PPAN: variants seen among roughly 807,000 people sequenced by gnomAD.
PPAN encodes the protein suppressor of SWI4 1 homolog.
PPAN carries 39 observed loss-of-function variants against 48.5 expected under a neutral mutation model. The ratio of observed to expected loss-of-function variants is 0.80; its 90% CI spans 0.62 to 1.05. The LOEUF is 1.05. Among genes scored for constraint, PPAN ranks in the 50% least tolerant of loss-of-function variants. The pLI is 0.00. For missense variants in PPAN, 736 were observed against 661.7 expected, an observed-to-expected ratio of 1.11 and a Z score of -1.23; for synonymous variants, 315 against 268.6, an observed-to-expected ratio of 1.17 and a Z score of -1.69.
intron 6 of PPAN, 79 bp downstream of exon 6, chr19:10,109,786 T>A: frequency 6.3e-7 from 1 of 1,587,582 alleles, no homozygotes. Flanking sequence ...GCACTTCTGC[T>A]GAGACGCTGT....
chr19:10,107,552 C>G lies in PPAN; in HGVS notation c.237C>G (p.Pro79=), dbSNP rs1025221964. The change falls in exon 3 of 12, where the codon CCC becomes CCG. Residue 79 remains proline, a synonymous_variant. Transcript: ENST00000253107. ...AGGACTGCGTGGCAGTGGCTGGGCC[C>G]CTCGGGGTCACACACTTTCTGATCC... ...SLKDCVAVAG[P]LGVTHFLILS... is the part of the protein sequence containing the mutation. 12 of 1,613,912 alleles carry G rather than the reference C, an allele frequency of 7.4e-6. No homozygotes were observed. The highest frequency in any genetic ancestry group is 1.3e-5 in the African/African-American group (1 of 74,878).
rs747605108 is a variant in PPAN, at chr19:10,107,570, T to G, written c.255T>G (p.Phe85Leu). The G allele has an allele frequency of 6.2e-7, 1 of 1,614,204 alleles. No homozygotes were observed. Among genetic ancestry groups the G allele is most frequent in the Non-Finnish European group, 8.5e-7 (1 of 1,180,034 alleles). Reference protein sequence around the residue: ...AVAGPLGVTHFLILSKTETNV... With the variant: ...AVAGPLGVTHLLILSKTETNV... ...CTGGGCCCCTCGGGGTCACACACTT[T>G]CTGATCCTGAGCAAAACAGAGACCA... Residue 85 changes from phenylalanine (F) to leucine (L), a missense_variant, in exon 3 of 12, where the codon TTT (phenylalanine) becomes TTG (leucine). Physicochemically the swap from Phe to Leu is conservative, Grantham distance 22. Coordinates refer to ENST00000253107, the MANE Select transcript of PPAN (RefSeq NM_020230.7).
At chr19:10,107,646 C>T (rs757047287) in intron 3 of PPAN, 40 bp downstream of exon 3, 7 of 1,610,454 alleles carry the variant, frequency 4.3e-6, no homozygotes, top group Non-Finnish European at 5.9e-6. Context: ...CCCAGACCCC[C>T]CCTTCCCCTA....
At position 10,110,971 on chromosome 19, in the gene PPAN, C is replaced by A. The variant is rs201114729; in HGVS notation, c.1228C>A (p.Arg410=). 52 of 1,613,238 alleles carry A rather than the reference C, an allele frequency of 3.2e-5. No homozygotes were observed. Among genetic ancestry groups the A allele is most frequent in the Non-Finnish European group, 3.9e-5 (46 of 1,179,988 alleles). ...EDLFPEAKQK[R]LAKSPGRKRK... Reference sequence around the variant, plus strand: ...CCTGTTCCCCGAGGCCAAGCAGAAACGGCTTGCCAAGTCTCCAGGGCGGAA... The same window carrying A: ...CCTGTTCCCCGAGGCCAAGCAGAAAAGGCTTGCCAAGTCTCCAGGGCGGAA... Residue 410 remains arginine, a synonymous_variant, in exon 12 of 12, where the codon CGG becomes AGG. Transcript: ENST00000253107. This position sits in a 1 kb window ranked among gnomAD's most constrained non-coding sequence, Gnocchi z 5.9.
In PPAN at chr19:10,111,487, C is replaced by T. The variant is rs897504670; in HGVS notation, c.*322C>T. 11 of 627,958 alleles carry T rather than the reference C, an allele frequency of 1.8e-5. No homozygotes were observed. Among genetic ancestry groups the T allele is most frequent in the Non-Finnish European group, 3.1e-5 (11 of 358,716 alleles). The allele number at this position is 627,958 out of a possible 1,614,324, so 38.9% of individuals were successfully genotyped here. On this transcript the variant is annotated 3_prime_UTR_variant, in exon 12 of 12. Coordinates refer to ENST00000253107, the MANE Select transcript of PPAN (RefSeq NM_020230.7). Reference sequence around the variant, plus strand: ...CCATGAGTGGCCCCTCCCCCCAGTCCCACCAAAGAGCCGTGCAAGCAGACA... The same window carrying T: ...CCATGAGTGGCCCCTCCCCCCAGTCTCACCAAAGAGCCGTGCAAGCAGACA...
rs369527420 is a variant in PPAN, at chr19:10,110,063, C to A, written c.698+43C>A. The A allele has an allele frequency of 6.2e-7, 1 of 1,611,184 alleles. No homozygotes were observed. The highest frequency in any genetic ancestry group is 8.5e-7 in the Non-Finnish European group (1 of 1,178,378). ...CGGGAGGCCACTGCGGCCCGGGGAC[C>A]CCAGAACAGGACCGGGAGCCTGAGC... is the stretch of plus-strand genomic sequence containing the variant. On this transcript the variant is annotated intron_variant, in intron 7 of 11. Coordinates refer to ENST00000253107, the MANE Select transcript of PPAN (RefSeq NM_020230.7). The surrounding 1 kb of genome is among the most constrained non-coding windows in gnomAD (Gnocchi z 5.9).
Position 10,106,393 on chromosome 19 carries a change from G to T in PPAN, c.-2G>T. On this transcript the variant is annotated 5_prime_UTR_variant, in exon 1 of 12. Transcript: ENST00000253107. ...AGGAGGCCTCGTGGAGGACACAGCA[G>T]CATGGGACAGTCAGGGAGGGTAAGG... is the stretch of plus-strand genomic sequence containing the variant. The T allele has an allele frequency of 6.5e-7, 1 of 1,549,792 alleles. No homozygotes were observed. Among genetic ancestry groups the T allele is most frequent in the South Asian group, 1.2e-5 (1 of 83,948 alleles).
rs200707716 is a variant in PPAN at position 10,109,676 on chromosome 19, C to G, written c.559C>G (p.Pro187Ala). 2.9e-5 allele frequency: 46 copies of G among 1,614,030 alleles called. No homozygotes were observed. The East Asian group carries it at 4.0e-4, about 14-fold the overall frequency. The change falls in exon 6 of 12, where the codon CCC (proline) becomes GCC (alanine). Residue 187 changes from proline (P) to alanine (A), a missense_variant. Pro to Ala is a conservative substitution (Grantham distance 27). Transcript: ENST00000253107. The stretch of plus-strand genomic sequence containing the variant: ...GCGCTGCCTCCTCATCGACTACAAC[C>G]CCGACTCCCAGGAGCTGGACTTCCG... ...IKRCLLIDYN[P>A]DSQELDFRHY... is the part of the protein sequence containing the mutation.
In PPAN at chr19:10,111,738, C is replaced by T. The variant is rs199501916; in HGVS notation, c.*573C>T. On this transcript the variant is annotated 3_prime_UTR_variant, in exon 12 of 12. Transcript: ENST00000253107. ...CACGGGAGCATGGCAGCCAACGTCT[C>T]GGGTAAGGAGAAGGCATGTTGGCTG... 1.3e-4 allele frequency: 211 copies of T among 1,613,352 alleles called. No homozygotes were observed. The East Asian group carries it at 1.3e-3, about 10-fold the overall frequency.
In PPAN at chr19:10,110,467, C is replaced by T. The variant is rs1402946769; in HGVS notation, c.902-18C>T. 4 of 1,612,304 alleles carry T rather than the reference C, an allele frequency of 2.5e-6. No individual in the cohort carries two copies. The highest frequency in any genetic ancestry group is 3.4e-6 in the Non-Finnish European group (4 of 1,179,684). On this transcript the variant is annotated intron_variant, in intron 9 of 11. Transcript: ENST00000253107. This position sits in a 1 kb window ranked among gnomAD's most constrained non-coding sequence, Gnocchi z 5.9. ...GGAGCTGCACCCGGATCTTGGTGAC[C>T]CGCGTCTCTTGGCTCAGTGAGCAAG...
At chr19:10,109,841 G>C in intron 6 of PPAN, 72 bp from the exon 7 acceptor site, 1 of 1,601,068 alleles carries the variant, frequency 6.2e-7, no homozygotes. Context: ...TGTGGGAAGG[G>C]TGAGATGGGC....
Position 10,111,518 on chromosome 19 carries a change from C to T in PPAN, c.*353C>T, listed in dbSNP as rs1599315283. On this transcript the variant is annotated 3_prime_UTR_variant, in exon 12 of 12. Transcript: ENST00000253107. Reference sequence around the variant, plus strand: ...AAGAGCCGTGCAAGCAGACAGGTCACACTTTCAGCAGATGAGCTTGAACCT... The same window carrying T: ...AAGAGCCGTGCAAGCAGACAGGTCATACTTTCAGCAGATGAGCTTGAACCT... 3 of 662,842 alleles carry T rather than the reference C, an allele frequency of 4.5e-6. No individual in the cohort carries two copies. The South Asian group carries it at 5.5e-5, about 12-fold the overall frequency. 41.1% of individuals were successfully genotyped at this position (662,842 alleles called of 1,614,324 possible).
At position 10,110,827 on chromosome 19, in the gene PPAN, G is replaced by A. The variant is rs937426336; in HGVS notation, c.1162G>A (p.Glu388Lys). The A allele has an allele frequency of 5.0e-6, 8 of 1,613,910 alleles. No individual in the cohort carries two copies. The highest frequency in any genetic ancestry group is 1.3e-5 in the African/African-American group (1 of 74,900). Residue 388 changes from glutamate to lysine, a missense_variant, in exon 11 of 12, where the codon GAG becomes AAG. Transcript: ENST00000253107. This position sits in a 1 kb window ranked among gnomAD's most constrained non-coding sequence, Gnocchi z 5.9. ...TGATGAACAGGAAGATGATGACATC[G>A]AGTATTTCTGCCAGGCGGTGGGCGA... ...DDDEQEDDDI[E>K]YFCQAVGEAP... is the part of the protein sequence containing the mutation.
chr19:10,107,888 G>A (rs1391918962), intron 4 of PPAN, 34 bp downstream of exon 4: 3 of 1,608,418 alleles, frequency 1.9e-6, no homozygotes, highest in Non-Finnish European at 2.6e-6. Context: ...AAGCCATGTG[G>A]GGTGGGAGCT....
rs367732633 is a variant in PPAN, at chr19:10,110,906, C to T, written c.1202-39C>T. 9.9e-6 allele frequency: 16 copies of T among 1,612,952 alleles called. No homozygotes were observed. The highest frequency in any genetic ancestry group is 1.2e-5 in the Non-Finnish European group (14 of 1,179,798). On this transcript the variant is annotated intron_variant, in intron 11 of 11. Transcript: ENST00000253107. The surrounding 1 kb of genome is among the most constrained non-coding windows in gnomAD (Gnocchi z 5.9). ...CTGCAGCAGGGCACCCAGAGCCTGT[C>T]CTTGTCTCTGGGGGCCCTGACACTG... is the stretch of plus-strand genomic sequence containing the variant.
At chr19:10,108,840 C>T (rs2088938125) in intron 5 of PPAN, among the ~76,000 whole-genome samples, 1 of 151,768 alleles carries the variant, frequency 6.6e-6, no homozygotes, top group African/African-American at 2.4e-5. Flanking sequence ...TTTCATCTGG[C>T]TCCTGAGTCC....
At chr19:10,107,752 G>A (rs1368011941) in intron 3 of PPAN, 52 bp from the exon 4 acceptor site, 9 of 1,612,980 alleles carry the variant, frequency 5.6e-6, no homozygotes, top group African/African-American at 2.7e-5. Context: ...TGCCTACTCC[G>A]GGCACCTCTG....
In PPAN at chr19:10,111,321, G is replaced by C; in HGVS notation, c.*156G>C. 1.0e-6 allele frequency: 1 copy of C among 952,552 alleles called. No homozygotes were observed. Among genetic ancestry groups the C allele is most frequent in the East Asian group, 2.6e-5 (1 of 37,844 alleles). 59.0% of individuals were successfully genotyped at this position (952,552 alleles called of 1,614,324 possible). ...AGGGGTCCACGTCAGCGTTTGGGATGGGGGATTCTGGAGCCATACAAAGCA... is the reference window on the plus strand; with the variant it reads ...AGGGGTCCACGTCAGCGTTTGGGATCGGGGATTCTGGAGCCATACAAAGCA... On this transcript the variant is annotated 3_prime_UTR_variant, in exon 12 of 12. Coordinates refer to ENST00000253107, the MANE Select transcript of PPAN (RefSeq NM_020230.7).
In PPAN at chr19:10,107,738, A is replaced by G. The variant is rs1010986178; in HGVS notation, c.292-66A>G. 3.7e-6 allele frequency: 6 copies of G among 1,611,728 alleles called. No individual in the cohort carries two copies. The African/African-American group carries it at 4.0e-5, about 11-fold the overall frequency. On this transcript the variant is annotated intron_variant, in intron 3 of 11. Transcript: ENST00000253107. ...AACGCTCTGAAGAAGAGATGGGGCA[A>G]AGGTGCCTACTCCGGGCACCTCTGC...
Sources: allele counts gnomAD v4.1 joint callset (sites outside exome capture counted in the v4.1 genomes callset), GRCh38; gene constraint gnomAD v4.1.1; non-coding constraint Gnocchi (gnomAD v3.1); transcripts MANE v1.5; gene names NCBI Gene and HGNC (gene_info 2026-07-23, HGNC 2026-07-21).